IRAK2: variants seen among roughly 807,000 people sequenced by gnomAD.
IRAK2 encodes interleukin-1 receptor-associated kinase-like 2.
A neutral mutation model predicts 72.0 loss-of-function variants in IRAK2; 57 were observed. That is an observed-to-expected ratio of 0.79 (90% confidence interval 0.64 to 0.99). The LOEUF (loss-of-function observed/expected upper bound fraction) is 0.99. IRAK2 is among the 50% of genes least tolerant of loss of function. IRAK2 has a pLI of 0.00. For synonymous variants in IRAK2, 293 were observed against 312.7 expected (o/e 0.94, Z 0.67); for missense variants, 790 against 794.4 (o/e 0.99, Z 0.07).
intron 2 of IRAK2, among the ~76,000 whole-genome samples, chr3:10,191,469 C>G (rs1697175160): frequency 6.6e-6 from 1 of 152,202 alleles, no homozygotes; most frequent in South Asian, 2.1e-4. Flanking sequence ...CTACAAGGCC[C>G]TGCATGGTCT....
intron 10 of IRAK2, among the ~76,000 whole-genome samples, chr3:10,234,084 A>T (rs1697910013): frequency 6.6e-6 from 1 of 151,790 alleles, no homozygotes; most frequent in South Asian, 2.1e-4. Context: ...GCTGGCTCGA[A>T]CTCCTGACCT....
chr3:10,222,909 A>G, intron 9 of IRAK2, 78 bp downstream of exon 9: 1 of 1,284,800 alleles, frequency 7.8e-7, no homozygotes, highest in Non-Finnish European at 1.1e-6. Context: ...ATCACAGGAT[A>G]CGGTAGAGGC....
At chr3:10,229,866 T>A (rs1468012079) in intron 10 of IRAK2, among the ~76,000 whole-genome samples, 2 of 152,066 alleles carry the variant, frequency 1.3e-5, no homozygotes, top group Non-Finnish European at 2.9e-5. Flanking sequence ...TTTGGGAGGC[T>A]GAGGTGGGTG....
chr3:10,183,637 TG>T lies in IRAK2; in HGVS notation c.277+5620del, dbSNP rs535041109. Among the ~76,000 whole-genome samples, 27 of 152,124 alleles carry T rather than the reference TG, an allele frequency of 1.8e-4. No individual in the cohort carries two copies. In the South Asian group the frequency reaches 4.4e-3, roughly 25 times the overall value. ...TCAGGAGGCTGAGGCAGGAGAGTGGTGGGAACCCGGGAGGCGGAGCTTGCAG... is the reference window on the plus strand; with the variant it reads ...TCAGGAGGCTGAGGCAGGAGAGTGGTGGAACCCGGGAGGCGGAGCTTGCAG... On this transcript the variant is annotated intron_variant, in intron 2 of 12. Coordinates refer to ENST00000256458, the MANE Select transcript of IRAK2 (RefSeq NM_001570.4).
chr3:10,216,344 C>G (rs1329696480), intron 6 of IRAK2, among the ~76,000 whole-genome samples: 2 of 152,124 alleles, frequency 1.3e-5, no homozygotes, highest in African/African-American at 4.8e-5. Flanking sequence ...AATTGACATT[C>G]AGGTCTGGAG....
At chr3:10,230,294 G>A (rs895918598) in intron 10 of IRAK2, among the ~76,000 whole-genome samples, 10 of 150,644 alleles carry the variant, frequency 6.6e-5, no homozygotes, top group Admixed American at 3.3e-4. Flanking sequence ...CCCCCCCACC[G>A]ACAAGGTATG....
chr3:10,205,829 A>G (rs1403369610), intron 3 of IRAK2, among the ~76,000 whole-genome samples: 2 of 152,254 alleles, frequency 1.3e-5, no homozygotes, highest in African/African-American at 4.8e-5. Flanking sequence ...GTGAGGTGGC[A>G]CAGACATGGC....
intron 1 of IRAK2, among the ~76,000 whole-genome samples, chr3:10,175,941 G>A (rs558609219): frequency 8.0e-5 from 12 of 150,286 alleles, no homozygotes; most frequent in South Asian, 2.1e-4. Context: ...TACCTGCAGC[G>A]TGGCAACAAC....
chr3:10,214,824 G>A (rs1465964668), intron 6 of IRAK2, among the ~76,000 whole-genome samples: 1 of 152,200 alleles, frequency 6.6e-6, no homozygotes, highest in Non-Finnish European at 1.5e-5. Context: ...GCTGGGCATG[G>A]TGGCTCGCAC....
intron 1 of IRAK2, among the ~76,000 whole-genome samples, chr3:10,174,590 T>A (rs1696844179): frequency 6.6e-6 from 1 of 152,264 alleles, no homozygotes; most frequent in African/African-American, 2.4e-5. Context: ...AGTGGCGTGA[T>A]CTCGGCTCAC....
intron 9 of IRAK2, among the ~76,000 whole-genome samples, chr3:10,224,931 C>G (rs1260504445): frequency 4.0e-5 from 6 of 150,762 alleles, no homozygotes; most frequent in Non-Finnish European, 8.9e-5. Context: ...TTGGTGAGTG[C>G]TCAGTGACCT....
At chr3:10,193,498 C>T (rs148742329) in intron 2 of IRAK2, among the ~76,000 whole-genome samples, 2 of 152,098 alleles carry the variant, frequency 1.3e-5, no homozygotes, top group East Asian at 3.9e-4. Context: ...TGGCGTGCTC[C>T]TGTGGTCTCA....
intron 9 of IRAK2, among the ~76,000 whole-genome samples, chr3:10,223,060 G>A (rs1697721297): frequency 6.6e-6 from 1 of 152,154 alleles, no homozygotes; most frequent in Non-Finnish European, 1.5e-5. Context: ...TAAACACAAA[G>A]AATATGTGAT....
At position 10,164,950 on chromosome 3, in the gene IRAK2, G is replaced by T; in HGVS notation, c.-5G>T. 6.2e-7 allele frequency: 1 copy of T among 1,605,072 alleles called. No homozygotes were observed. The highest frequency in any genetic ancestry group is 8.5e-7 in the Non-Finnish European group (1 of 1,176,392). ...CCCGCGCCGGAGCCGGCCCCGTAGCGTGCCATGGCCTGCTACATCTACCAG... is the reference window on the plus strand; with the variant it reads ...CCCGCGCCGGAGCCGGCCCCGTAGCTTGCCATGGCCTGCTACATCTACCAG... On this transcript the variant is annotated 5_prime_UTR_variant, in exon 1 of 13. Coordinates refer to ENST00000256458, the MANE Select transcript of IRAK2 (RefSeq NM_001570.4).
intron 2 of IRAK2, 81 bp downstream of exon 2, chr3:10,178,101 C>G (rs1405309491): frequency 2.5e-5 from 29 of 1,141,930 alleles, no homozygotes; most frequent in Non-Finnish European, 3.3e-5. Context: ...CACTCTCTGG[C>G]CTTAATACTT....
rs1472550336 is a variant in IRAK2 at position 10,209,665 on chromosome 3, C to T, written c.501C>T (p.Ser167=). 5 of 1,552,086 alleles carry T rather than the reference C, an allele frequency of 3.2e-6. No individual in the cohort carries two copies. Among genetic ancestry groups the T allele is most frequent in the African/African-American group, 1.4e-5 (1 of 71,534 alleles). The stretch of plus-strand genomic sequence containing the variant: ...AAGATGCCCCTCATTCCTTGAGAAG[C>T]GACCTCCCCACTTCGTCTGATTCAA... The part of the protein sequence containing the change: ...PEEDAPHSLR[S]DLPTSSDSKD... Residue 167 remains serine (S), a synonymous_variant, in exon 4 of 13, where the codon AGC becomes AGT. Transcript: ENST00000256458.
intron 7 of IRAK2, among the ~76,000 whole-genome samples, chr3:10,218,349 G>A (rs910768696): frequency 3.3e-5 from 5 of 151,428 alleles, no homozygotes; most frequent in African/African-American, 1.2e-4. Context: ...ACTTGAACCC[G>A]GGAGGCAGAG....
At chr3:10,222,179 T>C (rs1697708131) in intron 8 of IRAK2, among the ~76,000 whole-genome samples, 2 of 152,190 alleles carry the variant, frequency 1.3e-5, no homozygotes, top group African/African-American at 2.4e-5. Flanking sequence ...TGAGCCACTG[T>C]GCCCGGCCAA....
intron 2 of IRAK2, among the ~76,000 whole-genome samples, chr3:10,187,639 A>G (rs1171537058): frequency 1.3e-5 from 2 of 152,186 alleles, no homozygotes; most frequent in Non-Finnish European, 2.9e-5. Flanking sequence ...GCCTTTGGAG[A>G]TTTACAATGC....
Sources: allele counts gnomAD v4.1 joint callset (sites outside exome capture counted in the v4.1 genomes callset), GRCh38; gene constraint gnomAD v4.1.1; transcripts MANE v1.5; gene names NCBI Gene and HGNC (gene_info 2026-07-23, HGNC 2026-07-21).